Variants in STAM observed in about 807,000 individuals in gnomAD.
STAM encodes the protein signal transducing adaptor molecule.
Under a neutral mutation model 63.4 loss-of-function variants are expected in STAM, and 16 were observed. The observed-to-expected ratio is 0.25, with a 90% CI of 0.17 to 0.38. The LOEUF (loss-of-function observed/expected upper bound fraction) is 0.38, where lower values mean the gene tolerates loss of function less well. Among genes scored for constraint, STAM ranks in the 10% least tolerant of loss-of-function variants. STAM has a pLI of 1.00. For missense variants in STAM, 636 were observed against 657.1 expected, an observed-to-expected ratio of 0.97 and a Z score of 0.35; for synonymous variants, 238 against 223.9, an observed-to-expected ratio of 1.06 and a Z score of -0.56.
At chr10:17,673,438 T>A (rs1220597924) in intron 2 of STAM, among the ~76,000 whole-genome samples, 1 of 152,248 alleles carries the variant, frequency 6.6e-6, no homozygotes. Flanking sequence ...TCAGCCACGT[T>A]GAAGGCACAA....
chr10:17,695,556 G>A (rs535630100), intron 7 of STAM, among the ~76,000 whole-genome samples: 1 of 152,218 alleles, frequency 6.6e-6, no homozygotes, highest in African/African-American at 2.4e-5. Context: ...CACTGAGTAT[G>A]TATATGTACT....
At chr10:17,681,826 G>C (rs1205936039) in intron 2 of STAM, among the ~76,000 whole-genome samples, 1 of 152,212 alleles carries the variant, frequency 6.6e-6, no homozygotes, top group Non-Finnish European at 1.5e-5. Context: ...GACTTGGTTT[G>C]CTGTGAATGT....
chr10:17,699,120 T>A (rs1313721425), intron 8 of STAM, among the ~76,000 whole-genome samples: 5 of 152,236 alleles, frequency 3.3e-5, no homozygotes, highest in African/African-American at 1.2e-4. Context: ...TAGTATGGGC[T>A]AGTAGAGCAA....
At chr10:17,677,663 A>G (rs1554824803) in intron 2 of STAM, among the ~76,000 whole-genome samples, 1 of 152,228 alleles carries the variant, frequency 6.6e-6, no homozygotes, top group Non-Finnish European at 1.5e-5. Flanking sequence ...CAAAATCAGT[A>G]AAGTAGAAGA....
chr10:17,664,772 C>A (rs570969779), intron 2 of STAM, among the ~76,000 whole-genome samples: 1 of 152,136 alleles, frequency 6.6e-6, no homozygotes, highest in East Asian at 1.9e-4. Context: ...TTTCAGGCAA[C>A]AATCTAGATT....
Position 17,679,575 on chromosome 10 carries a change from G to A in STAM, c.126-5100G>A, listed in dbSNP as rs377367206. On this transcript the variant is annotated intron_variant, in intron 2 of 13. Transcript: ENST00000377524. ...CTTTTAATTTTGATGTTTAATTTGCGTGTGTTTTTTTTTTTTAAATGAAGT... is the reference window on the plus strand; with the variant it reads ...CTTTTAATTTTGATGTTTAATTTGCATGTGTTTTTTTTTTTTAAATGAAGT... Among the ~76,000 whole-genome samples, 9 of 147,234 alleles carry A rather than the reference G, an allele frequency of 6.1e-5. No homozygotes were observed. The East Asian group carries it at 9.8e-4, about 16-fold the overall frequency.
chr10:17,679,579 G>GT lies in STAM; in HGVS notation c.126-5084dup, dbSNP rs35190108. The stretch of plus-strand genomic sequence containing the variant: ...TAATTTTGATGTTTAATTTGCGTGT[G>GT]TTTTTTTTTTTTAAATGAAGTGTTG... On this transcript the variant is annotated intron_variant, in intron 2 of 13. Transcript: ENST00000377524. Among the ~76,000 whole-genome samples, 1,427 of 143,108 alleles carry GT rather than the reference G, an allele frequency of 1.0e-2. 24 individuals are homozygous for GT. The highest frequency in any genetic ancestry group is 0.032 in the African/African-American group (1,269 of 39,268). 93.9% of individuals were successfully genotyped at this position (143,108 alleles called of 152,430 possible). A position where few individuals can be genotyped will look rare whatever the true frequency, so the allele number is the denominator to read the frequency against.
At chr10:17,656,947 A>T (rs1833963144) in intron 1 of STAM, among the ~76,000 whole-genome samples, 1 of 152,150 alleles carries the variant, frequency 6.6e-6, no homozygotes, top group South Asian at 2.1e-4. Context: ...CTTTCCTGTG[A>T]TTCTTCCCTT....
Position 17,680,038 on chromosome 10 carries a change from A to G in STAM, c.126-4637A>G, listed in dbSNP as rs146465985. Among the ~76,000 whole-genome samples the G allele has an allele frequency of 1.9e-3, 281 of 151,356 alleles. 1 individual carries two copies. The highest frequency in any genetic ancestry group is 5.8e-3 in the African/African-American group (240 of 41,296). ...ATCCTTTAAAAAAAAACTTGTGTTC[A>G]TTGGCTTTTCTTGATTGTGTTTCTG... On this transcript the variant is annotated intron_variant, in intron 2 of 13. Transcript: ENST00000377524.
chr10:17,694,535 T>C (rs1835673394), intron 6 of STAM, among the ~76,000 whole-genome samples: 1 of 152,280 alleles, frequency 6.6e-6, no homozygotes, highest in Admixed American at 6.5e-5. Flanking sequence ...GTGGTGGAGA[T>C]AGAGACACGT....
At chr10:17,680,352 A>G (rs888719963) in intron 2 of STAM, among the ~76,000 whole-genome samples, 3 of 151,296 alleles carry the variant, frequency 2.0e-5, no homozygotes, top group Non-Finnish European at 4.4e-5. Context: ...ATAACTCCCC[A>G]TTCGCTGCTC....
intron 8 of STAM, among the ~76,000 whole-genome samples, chr10:17,699,489 G>A (rs1835898508): frequency 6.6e-6 from 1 of 152,192 alleles, no homozygotes; most frequent in African/African-American, 2.4e-5. Context: ...ATGTTAAATT[G>A]TTTTTAAAGA....
chr10:17,711,205 C>T (rs1836539269), intron 13 of STAM, among the ~76,000 whole-genome samples: 1 of 152,180 alleles, frequency 6.6e-6, no homozygotes, highest in Admixed American at 6.5e-5. Context: ...TTAAAGCTCA[C>T]TGTTTTTCAG....
chr10:17,693,920 G>A (rs1835650576), intron 6 of STAM, among the ~76,000 whole-genome samples: 2 of 152,142 alleles, frequency 1.3e-5, no homozygotes, highest in African/African-American at 4.8e-5. Flanking sequence ...GGCAGTGTAT[G>A]AAAGCTATTA....
intron 13 of STAM, among the ~76,000 whole-genome samples, chr10:17,711,744 A>G (rs1323122524): frequency 3.3e-5 from 5 of 152,176 alleles, no homozygotes; most frequent in African/African-American, 1.2e-4. Context: ...GAAAGCGTGT[A>G]GGGGAGCAGC....
At chr10:17,706,103 T>G (rs1836256499) in intron 12 of STAM, among the ~76,000 whole-genome samples, 2 of 152,016 alleles carry the variant, frequency 1.3e-5, no homozygotes, top group African/African-American at 4.8e-5. Flanking sequence ...CTCAAATGCA[T>G]TTGAGATTAT....
rs1357746810 is a variant in STAM at position 17,686,599 on chromosome 10, C to T, written c.298-1428C>T. On this transcript the variant is annotated intron_variant, in intron 4 of 13. Transcript: ENST00000377524. ...ACCATGGGGATGGTCAGGCCAGTCTCGAACTCCTGACCTTGTGATTGCCCA... is the reference window on the plus strand; with the variant it reads ...ACCATGGGGATGGTCAGGCCAGTCTTGAACTCCTGACCTTGTGATTGCCCA... Among the ~76,000 whole-genome samples the T allele has an allele frequency of 3.3e-5, 5 of 152,208 alleles. No homozygotes were observed. The East Asian group carries it at 5.8e-4, about 18-fold the overall frequency.
At chr10:17,668,184 A>G (rs1554823670) in intron 2 of STAM, among the ~76,000 whole-genome samples, 1 of 152,206 alleles carries the variant, frequency 6.6e-6, no homozygotes, top group Non-Finnish European at 1.5e-5. Flanking sequence ...TAGCTAAAAT[A>G]ATTGACAGGT....
intron 1 of STAM, among the ~76,000 whole-genome samples, chr10:17,657,126 G>C (rs1272767714): frequency 6.6e-6 from 1 of 151,982 alleles, no homozygotes; most frequent in Non-Finnish European, 1.5e-5. Flanking sequence ...CCCCTGCCTG[G>C]GCTCACTCAC....
Sources: gnomAD v4.1 joint callset for allele counts (sites outside exome capture counted in the v4.1 genomes callset) on GRCh38, gnomAD v4.1.1 for gene constraint, MANE v1.5 for transcripts, NCBI Gene and HGNC (gene_info 2026-07-23, HGNC 2026-07-21) for gene names.